DHX8: variants seen among roughly 807,000 people sequenced by gnomAD.
The protein encoded by DHX8 is DEAH-box helicase 8.
Under a neutral mutation model 140.7 loss-of-function variants are expected in DHX8, and 67 were observed. The observed-to-expected ratio is 0.48, with a 90% CI of 0.39 to 0.58. The LOEUF is 0.58. Among genes scored for constraint, DHX8 ranks in the 20% least tolerant of loss-of-function variants. The pLI, the probability that DHX8 is intolerant of heterozygous loss-of-function variation, is 0.00. For missense variants in DHX8, 887 were observed against 1,550.7 expected, an observed-to-expected ratio of 0.57 and a Z score of 7.19; for synonymous variants, 533 against 553.2, an observed-to-expected ratio of 0.96 and a Z score of 0.51.
chr17:43,512,535 A>G (rs1037192874), intron 16 of DHX8, among the ~76,000 whole-genome samples: 1 of 152,162 alleles, frequency 6.6e-6, no homozygotes, highest in African/African-American at 2.4e-5. Context: ...TGGATGGAAG[A>G]TGGCACTGAG....
At chr17:43,513,612 T>C (rs1345118591) in intron 17 of DHX8, 110 bp downstream of exon 17, 3 of 1,149,732 alleles carry the variant, frequency 2.6e-6, no homozygotes, top group African/African-American at 3.1e-5. Context: ...ACTTTTATGA[T>C]ACTGGGTACT....
At position 43,513,809 on chromosome 17, in the gene DHX8, G is replaced by A. The variant is rs182566301; in HGVS notation, c.2643+307G>A. 5.7e-3 allele frequency among the ~76,000 whole-genome samples: 847 copies of A among 149,474 alleles called. 5 individuals are homozygous for A. Among genetic ancestry groups the A allele is most frequent in the Middle Eastern group, 0.022 (6 of 272 alleles). ...GCTCACTGCAACCTCTGCCTCCTGG[G>A]TTCAAGCGATTCTCCTGCCTTAGCC... On this transcript the variant is annotated intron_variant, in intron 17 of 22. Coordinates refer to ENST00000262415, the MANE Select transcript of DHX8 (RefSeq NM_004941.3).
At chr17:43,541,246 T>TAGAAAC (rs1269215182) in intron 3 of DHX8, among the ~76,000 whole-genome samples, 2 of 152,104 alleles carry the variant, frequency 1.3e-5, no homozygotes, top group Admixed American at 1.3e-4. Flanking sequence ...GTCAACAGGA[T>TAGAAAC]AGAAACAGGA....
intron 18 of DHX8, chr17:43,519,387 G>A (rs1305393650): frequency 6.6e-6 from 1 of 152,064 alleles, no homozygotes; most frequent in Non-Finnish European, 1.5e-5. Flanking sequence ...CTTTTTATGT[G>A]CTTGTTGGCC....
At chr17:43,489,398 T>A in intron 1 of DHX8, 51 bp from the exon 2 acceptor site, 1 of 1,291,692 alleles carries the variant, frequency 7.7e-7, no homozygotes, top group Non-Finnish European at 1.1e-6. Context: ...TACTTGAAAC[T>A]GATTTCTTGT....
intron 10 of DHX8, 48 bp downstream of exon 10, chr17:43,499,007 T>C (rs1042503069): frequency 4.2e-6 from 6 of 1,427,684 alleles, no homozygotes; most frequent in Middle Eastern, 1.8e-4. Flanking sequence ...TGGACTTCTT[T>C]TTCTAAAGTA....
chr17:43,528,605 AC>A, downstream of DHX8: 1 of 1,614,150 alleles, frequency 6.2e-7, no homozygotes, highest in Admixed American at 1.7e-5. Flanking sequence ...TCCAAGTGGG[AC>A]AAAGGGACTG....
chr17:43,504,847 AT>A lies in DHX8; in HGVS notation c.1728+24del, dbSNP rs769003847. On this transcript the variant is annotated intron_variant, in intron 12 of 22. Coordinates refer to ENST00000262415, the MANE Select transcript of DHX8 (RefSeq NM_004941.3). ...CCAGGTGAGAAGACTTTTATGATGTATTGGTGGGGAGTAGGGTTATTGTCTA... is the reference window on the plus strand; with the variant it reads ...CCAGGTGAGAAGACTTTTATGATGTATGGTGGGGAGTAGGGTTATTGTCTA... The A allele has an allele frequency of 1.1e-5, 17 of 1,603,498 alleles. No homozygotes were observed. The African/African-American group carries it at 2.1e-4, about 20-fold the overall frequency.
At chr17:43,490,364 A>G (rs768798921) in intron 2 of DHX8, 27 bp from the exon 3 acceptor site, 60 of 1,598,020 alleles carry the variant, frequency 3.8e-5, no homozygotes, top group Non-Finnish European at 5.0e-5. Flanking sequence ...GGAGCTGACA[A>G]TTTTCGTTCT....
intron 9 of DHX8, 62 bp from the exon 10 acceptor site, chr17:43,498,800 C>A: frequency 7.4e-7 from 1 of 1,354,068 alleles, no homozygotes; most frequent in South Asian, 1.3e-5. Context: ...AATTAATTGT[C>A]TTGGTGAAAA....
intron 16 of DHX8, 108 bp downstream of exon 16, chr17:43,508,628 T>TC: frequency 1.4e-6 from 1 of 710,284 alleles, no homozygotes; most frequent in East Asian, 3.0e-5. Flanking sequence ...CTTTTTTTTT[T>TC]TTTTTTTCCT....
intron 2 of DHX8, among the ~76,000 whole-genome samples, chr17:43,535,557 G>A (rs1281248180): frequency 8.5e-5 from 13 of 152,190 alleles, no homozygotes; most frequent in African/African-American, 3.1e-4. Context: ...GATTACAGGC[G>A]TGAGCCACCA....
At chr17:43,493,348 TA>T in intron 6 of DHX8, 96 bp from the exon 7 acceptor site, 1 of 1,499,126 alleles carries the variant, frequency 6.7e-7, no homozygotes, top group South Asian at 1.3e-5. Context: ...CTCTTGAGTT[TA>T]AGACCATTTT....
downstream of DHX8, chr17:43,528,834 C>T (rs1466982823): frequency 1.4e-5 from 14 of 1,006,106 alleles, no homozygotes; most frequent in Non-Finnish European, 1.9e-5. Context: ...GGCCCTTCTA[C>T]CAGTACAGGC....
Position 43,515,145 on chromosome 17 carries a change from A to G in DHX8, c.2643+1643A>G, listed in dbSNP as rs767821896. On this transcript the variant is annotated intron_variant, in intron 17 of 22. Coordinates refer to ENST00000262415, the MANE Select transcript of DHX8 (RefSeq NM_004941.3). ...CATAATTTGTGAAAGCCTTAAGGCTATTTTTATTTTGAAACTTAAGTAATA... is the reference window on the plus strand; with the variant it reads ...CATAATTTGTGAAAGCCTTAAGGCTGTTTTTATTTTGAAACTTAAGTAATA... Among the ~76,000 whole-genome samples the G allele has an allele frequency of 2.6e-5, 4 of 152,212 alleles. No homozygotes were observed. In the South Asian group the frequency reaches 6.2e-4, roughly 24 times the overall value.
chr17:43,494,277 G>T (rs952289277), intron 8 of DHX8, among the ~76,000 whole-genome samples: 2 of 152,162 alleles, frequency 1.3e-5, no homozygotes, highest in African/African-American at 4.8e-5. Flanking sequence ...TCCCACACAC[G>T]TGGAAATTCA....
intron 5 of DHX8, 99 bp downstream of exon 5, chr17:43,492,391 T>A: frequency 3.6e-6 from 3 of 833,656 alleles, no homozygotes; most frequent in Non-Finnish European, 6.0e-6. Context: ...TTACAGAATC[T>A]GGACTGGTCA....
intron 5 of DHX8, 51 bp from the exon 6 acceptor site, chr17:43,492,630 G>A: frequency 8.9e-7 from 1 of 1,120,940 alleles, no homozygotes; most frequent in Non-Finnish European, 1.3e-6. Context: ...GGGATGCGAA[G>A]ATGAAATCGG....
chr17:43,489,438 C>T lies in DHX8; in HGVS notation c.149-11C>T. 6.3e-7 allele frequency: 1 copy of T among 1,587,162 alleles called. No individual in the cohort carries two copies. On this transcript the variant is annotated splice_polypyrimidine_tract_variant and intron_variant, in intron 1 of 22. Transcript: ENST00000262415. Reference sequence around the variant, plus strand: ...GTCTCTTCTTTTCTGAATTCTGTTTCTTATTTGCAGCTGAATTTGTGATCA... The same window carrying T: ...GTCTCTTCTTTTCTGAATTCTGTTTTTTATTTGCAGCTGAATTTGTGATCA...
Sources: allele counts gnomAD v4.1 joint callset (sites outside exome capture counted in the v4.1 genomes callset), GRCh38; gene constraint gnomAD v4.1.1; transcripts MANE v1.5; gene names NCBI Gene and HGNC (gene_info 2026-07-23, HGNC 2026-07-21).